The following PREP variants were observed in gnomAD, a reference collection of about 807,000 sequenced individuals.
PREP encodes prolyl endopeptidase, also known as dJ355L5.1 (prolyl endopeptidase).
Under a neutral mutation model 87.6 loss-of-function variants are expected in PREP, and 29 were observed. That is an observed-to-expected ratio of 0.33 (90% CI 0.25 to 0.45). PREP has a LOEUF of 0.45. Ranked by LOEUF, PREP falls within the 20% of genes least tolerant of loss-of-function variation. The pLI, the probability that PREP is intolerant of heterozygous loss-of-function variation, is 1.00. For missense variants in PREP, 695 were observed against 886.5 expected (o/e 0.78, Z 2.74); for synonymous variants, 337 against 328.6 (o/e 1.03, Z -0.28).
intron 9 of PREP, among the ~76,000 whole-genome samples, chr6:105,328,418 C>T (rs1771230930): frequency 1.3e-5 from 2 of 152,046 alleles, no homozygotes; most frequent in Admixed American, 1.3e-4. Flanking sequence ...CCACCATGCC[C>T]AGCTAATTTT....
chr6:105,273,794 T>TC lies in PREP; in HGVS notation c.*4349dup. ...CTCCAGGCCTCGCCTGGCTCCCTGT[T>TC]CCCCCCACACTGGCTTCCTGCTCTT... On this transcript the variant is annotated 3_prime_UTR_variant, in exon 15 of 15. Transcript: ENST00000652536. 1.3e-5 allele frequency: 2 copies of TC among 153,402 alleles called. No individual in the cohort carries two copies. The highest frequency in any genetic ancestry group is 2.9e-5 in the Non-Finnish European group (2 of 68,966). 9.5% of individuals were successfully genotyped at this position (153,402 alleles called of 1,614,324 possible).
At chr6:105,299,590 C>A (rs371860791) in intron 10 of PREP, among the ~76,000 whole-genome samples, 12 of 152,008 alleles carry the variant, frequency 7.9e-5, no homozygotes, top group African/African-American at 2.9e-4. Flanking sequence ...CAGAGCCAGA[C>A]TCTGTCTTTA....
Position 105,282,467 on chromosome 6 carries a change from A to G in PREP, c.1665T>C (p.Asn555=). The G allele has an allele frequency of 6.2e-7, 1 of 1,614,042 alleles. No homozygotes were observed. Among genetic ancestry groups the G allele is most frequent in the Non-Finnish European group, 8.5e-7 (1 of 1,179,988 alleles). Residue 555 remains asparagine (N), a synonymous_variant, in exon 13 of 15, where the codon AAT becomes AAC. Transcript: ENST00000652536. ...PKRLTINGGS[N]GGLLVAACAN... is the part of the protein sequence containing the mutation. ...AGTACTCACCCACTAAGAGGCCTCC[A>G]TTTGAACCTCCATTAATAGTCAGCC...
intron 12 of PREP, among the ~76,000 whole-genome samples, chr6:105,283,525 G>GTTA (rs1187401444): frequency 6.6e-6 from 1 of 152,146 alleles, no homozygotes; most frequent in African/African-American, 2.4e-5. Flanking sequence ...CAAAACAAAT[G>GTTA]TTATTAAGAT....
chr6:105,307,909 G>A (rs1002237740), intron 10 of PREP, among the ~76,000 whole-genome samples: 8 of 152,040 alleles, frequency 5.3e-5, no homozygotes, highest in Non-Finnish European at 1.2e-4. Flanking sequence ...CACTGCGCCC[G>A]GCCACACTCA....
At chr6:105,312,123 T>C (rs781343764) in intron 10 of PREP, among the ~76,000 whole-genome samples, 21 of 152,238 alleles carry the variant, frequency 1.4e-4, no homozygotes, top group Non-Finnish European at 2.8e-4. Flanking sequence ...ACATATATAA[T>C]GATTTTTTAC....
intron 6 of PREP, among the ~76,000 whole-genome samples, chr6:105,365,889 T>C (rs2114699548): frequency 6.6e-6 from 1 of 152,280 alleles, no homozygotes; most frequent in South Asian, 2.1e-4. Context: ...CTTTTTTTTT[T>C]TTTTAAACAA....
chr6:105,398,644 G>A (rs1773346927), intron 1 of PREP, among the ~76,000 whole-genome samples: 1 of 152,132 alleles, frequency 6.6e-6, no homozygotes, highest in South Asian at 2.1e-4. Context: ...AGTAGAACCT[G>A]GCTGAAGGAA....
intron 10 of PREP, among the ~76,000 whole-genome samples, chr6:105,310,822 G>A (rs1328582536): frequency 6.6e-6 from 1 of 152,200 alleles, no homozygotes; most frequent in African/African-American, 2.4e-5. Flanking sequence ...CTTTGAGCAT[G>A]AGACTCAAAT....
At position 105,353,057 on chromosome 6, in the gene PREP, A is replaced by G; in HGVS notation, c.738T>C (p.Tyr246=). 6.2e-7 allele frequency: 1 copy of G among 1,613,812 alleles called. No homozygotes were observed. Among genetic ancestry groups the G allele is most frequent in the Non-Finnish European group, 8.5e-7 (1 of 1,179,758 alleles). ...GGAELSDDGR[Y]VLLSIREGCD... ...ATCCTTCCCTTATTGATAACAAGAC[A>G]TAGCGGCCATCATCAGATAACTAAA... The change falls in exon 7 of 15, where the codon TAT becomes TAC. Residue 246 remains tyrosine (Y), a synonymous_variant. Coordinates refer to ENST00000652536, the MANE Select transcript of PREP (RefSeq NM_002726.5).
At chr6:105,338,959 A>T (rs1771555510) in intron 7 of PREP, among the ~76,000 whole-genome samples, 1 of 152,258 alleles carries the variant, frequency 6.6e-6, no homozygotes, top group Admixed American at 6.5e-5. Flanking sequence ...CTCTGGGGGC[A>T]GGGCATAGCC....
intron 10 of PREP, among the ~76,000 whole-genome samples, chr6:105,293,603 A>C (rs1770345962): frequency 2.7e-5 from 2 of 75,178 alleles, no homozygotes; most frequent in African/African-American, 1.2e-4. Flanking sequence ...TCAATTTGTA[A>C]AAAAAAAAAA....
intron 2 of PREP, 118 bp downstream of exon 2, chr6:105,397,735 A>T: frequency 1.3e-6 from 1 of 793,728 alleles, no homozygotes; most frequent in Non-Finnish European, 2.1e-6. Context: ...AGGTATACTC[A>T]CCATCCCATG....
Position 105,347,641 on chromosome 6 carries a change from C to A in PREP, c.823+5331G>T, listed in dbSNP as rs1470331348. Among the ~76,000 whole-genome samples, 4 of 152,220 alleles carry A rather than the reference C, an allele frequency of 2.6e-5. No individual in the cohort carries two copies. The South Asian group carries it at 6.2e-4, about 24-fold the overall frequency. On this transcript the variant is annotated intron_variant, in intron 7 of 14. Transcript: ENST00000652536. Reference sequence around the variant, plus strand: ...AAAGAGACAGCTCTGAGCTCTGATACCCATACTGCAGAAAATATTCAAAAA... The same window carrying A: ...AAAGAGACAGCTCTGAGCTCTGATAACCATACTGCAGAAAATATTCAAAAA...
chr6:105,312,793 A>G (rs1770784738), intron 10 of PREP, among the ~76,000 whole-genome samples: 1 of 152,162 alleles, frequency 6.6e-6, no homozygotes, highest in Non-Finnish European at 1.5e-5. Context: ...GAAAATAGTA[A>G]AGAAAAATGA....
intron 10 of PREP, among the ~76,000 whole-genome samples, chr6:105,321,019 G>A (rs1770990894): frequency 6.6e-6 from 1 of 152,128 alleles, no homozygotes; most frequent in Admixed American, 6.5e-5. Flanking sequence ...CTAAACCACT[G>A]CACAACAGAT....
intron 8 of PREP, among the ~76,000 whole-genome samples, chr6:105,331,853 GT>G (rs1360836718): frequency 6.6e-6 from 1 of 152,132 alleles, no homozygotes; most frequent in Non-Finnish European, 1.5e-5. Flanking sequence ...GTTCTTGCCT[GT>G]AAGTCCCCCA....
At chr6:105,379,209 C>T (rs561912996) in intron 2 of PREP, among the ~76,000 whole-genome samples, 3 of 152,276 alleles carry the variant, frequency 2.0e-5, no homozygotes, top group South Asian at 2.1e-4. Context: ...CGCCCTGGCC[C>T]GCTTTCCTGT....
chr6:105,302,986 C>G (rs536208210), intron 10 of PREP, among the ~76,000 whole-genome samples: 2 of 152,128 alleles, frequency 1.3e-5, no homozygotes, highest in Non-Finnish European at 2.9e-5. Context: ...GCCTTGGCTT[C>G]CAGGACTCCT....
Sources: allele counts gnomAD v4.1 joint callset (sites outside exome capture counted in the v4.1 genomes callset), GRCh38; gene constraint gnomAD v4.1.1; transcripts MANE v1.5; gene names NCBI Gene and HGNC (gene_info 2026-07-23, HGNC 2026-07-21).